BRDT: variants seen among roughly 807,000 people sequenced by gnomAD.
BRDT encodes bromodomain testis associated, also known as bromodomain testis-specific protein.
Under a neutral mutation model 113.9 loss-of-function variants are expected in BRDT, and 77 were observed. The observed-to-expected ratio is 0.68, with a 90% CI of 0.56 to 0.82. The LOEUF is 0.82. Among genes scored for constraint, BRDT ranks in the 40% least tolerant of loss-of-function variants. BRDT has a pLI of 0.00. For missense variants in BRDT, 1,027 were observed against 1,105.4 expected, an observed-to-expected ratio of 0.93 and a Z score of 1.01; for synonymous variants, 358 against 366.5, an observed-to-expected ratio of 0.98 and a Z score of 0.26.
intron 15 of BRDT, among the ~76,000 whole-genome samples, chr1:91,995,087 T>G (rs183291554): frequency 2.8e-4 from 43 of 152,218 alleles, no homozygotes; most frequent in Non-Finnish European, 1.8e-4. Context: ...AAGTTTTGCC[T>G]GTCTCAACTT....
intron 12 of BRDT, among the ~76,000 whole-genome samples, chr1:91,982,161 A>G (rs1050416247): frequency 1.3e-5 from 2 of 152,198 alleles, no homozygotes; most frequent in African/African-American, 2.4e-5. Flanking sequence ...CAAGGTTGCC[A>G]TGTTGTGATA....
chr1:92,009,747 T>A (rs551102484), intron 18 of BRDT, among the ~76,000 whole-genome samples: 12 of 151,926 alleles, frequency 7.9e-5, no homozygotes, highest in Admixed American at 2.0e-4. Flanking sequence ...TTATTTATTT[T>A]TTTTGTAGAG....
Position 92,014,270 on chromosome 1 carries a change from A to G in BRDT, c.2840A>G (p.Asp947Gly), listed in dbSNP as rs758809706. The G allele has an allele frequency of 6.9e-6, 11 of 1,583,314 alleles. No homozygotes were observed. Among genetic ancestry groups the G allele is most frequent in the Non-Finnish European group, 1.7e-6 (2 of 1,164,898 alleles). The change falls in exon 19 of 19, where the codon GAT becomes GGT. Residue 947 changes from aspartate to glycine, a missense_variant. Asp to Gly is a moderately conservative substitution (Grantham distance 94). Coordinates refer to ENST00000399546, the MANE Select transcript of BRDT (RefSeq NM_207189.4). ...ATGACAATGTTTGAAAACAACTTTG[A>G]TTAAAACTCAGTTTTTAAATTAACC... Reference protein sequence around the residue: ...DIMTMFENNFD With the variant: ...DIMTMFENNFG
rs760550779 is a variant in BRDT at position 92,004,565 on chromosome 1, G to T, written c.2540G>T (p.Arg847Leu). Residue 847 changes from arginine (R) to leucine (L), a missense_variant, in exon 17 of 19, where the codon CGG (arginine) becomes CTG (leucine). Physicochemically the swap from Arg to Leu is moderately radical, Grantham distance 102. Transcript: ENST00000399546. ...AAAGCTCGGACACAGGAACTCATAC[G>T]GAAGCATTTGGAACAAAATACAAAG... ...EVKARTQELIRKHLEQNTKEL... is the reference protein window; with the variant it reads ...EVKARTQELILKHLEQNTKEL... 6.2e-7 allele frequency: 1 copy of T among 1,612,348 alleles called. No homozygotes were observed. The highest frequency in any genetic ancestry group is 1.3e-5 in the African/African-American group (1 of 74,890).
At chr1:91,987,888 C>T (rs1685405792) in intron 12 of BRDT, among the ~76,000 whole-genome samples, 1 of 151,424 alleles carries the variant, frequency 6.6e-6, no homozygotes, top group South Asian at 2.1e-4. Context: ...CTCGCAGTTT[C>T]ACCCAGGCTG....
chr1:91,972,572 T>C (rs1409317532), intron 4 of BRDT, among the ~76,000 whole-genome samples: 1 of 152,210 alleles, frequency 6.6e-6, no homozygotes, highest in Non-Finnish European at 1.5e-5. Context: ...GCAGTAAATA[T>C]TTACTGTGTT....
chr1:91,994,867 CAAAAAAAAA>C (rs11330809), intron 15 of BRDT, among the ~76,000 whole-genome samples: 1 of 65,472 alleles, frequency 1.5e-5, no homozygotes, highest in African/African-American at 6.7e-5. Flanking sequence ...GACTCCGTCT[CAAAAAAAAA>C]AAAAAAAAAA....
intron 1 of BRDT, among the ~76,000 whole-genome samples, chr1:91,952,845 G>A (rs1446811911): frequency 6.6e-6 from 1 of 150,844 alleles, no homozygotes; most frequent in Non-Finnish European, 1.5e-5. Context: ...GTTATCTAGA[G>A]TCCCTGGGAA....
chr1:91,990,176 C>T lies in BRDT; in HGVS notation c.2003-1008C>T, dbSNP rs188545528. Reference sequence around the variant, plus strand: ...TAAAGAAAGAGAAACCCACTAGAACCGTGTTGGAGAGATCTCTTTTTATGT... The same window carrying T: ...TAAAGAAAGAGAAACCCACTAGAACTGTGTTGGAGAGATCTCTTTTTATGT... On this transcript the variant is annotated intron_variant, in intron 12 of 18. Coordinates refer to ENST00000399546, the MANE Select transcript of BRDT (RefSeq NM_207189.4). Among the ~76,000 whole-genome samples, 123 of 152,236 alleles carry T rather than the reference C, an allele frequency of 8.1e-4. 1 individual carries two copies. Among genetic ancestry groups the T allele is most frequent in the Non-Finnish European group, 1.5e-3 (103 of 68,022 alleles).
intron 2 of BRDT, among the ~76,000 whole-genome samples, chr1:91,963,941 T>C (rs1024073959): frequency 6.6e-6 from 1 of 152,062 alleles, no homozygotes; most frequent in African/African-American, 2.4e-5. Flanking sequence ...GCATGATCTC[T>C]GACCGCTGCA....
At chr1:91,981,431 G>T (rs770117157) in intron 11 of BRDT, 50 bp downstream of exon 11, 4 of 1,519,082 alleles carry the variant, frequency 2.6e-6, no homozygotes, top group Admixed American at 1.8e-5. Flanking sequence ...TGTATGTAGA[G>T]ACAGGGTCTT....
At chr1:91,983,246 A>G (rs530275909) in intron 12 of BRDT, among the ~76,000 whole-genome samples, 179 of 149,212 alleles carry the variant, frequency 1.2e-3, no homozygotes, top group African/African-American at 4.3e-3. Flanking sequence ...AGAATAACTC[A>G]GTCTCAGAAT....
In BRDT at chr1:91,981,087, G is replaced by T. The variant is rs1684678539; in HGVS notation, c.1659G>T (p.Glu553Asp). ...GCAATTCCAATCCTGATGAGATAGA[G>T]ATAGACTTTGAAACACTGAAAGCAT... ...SLSNSNPDEI[E>D]IDFETLKAST... The change falls in exon 10 of 19, where the codon GAG becomes GAT. Residue 553 changes from glutamate to aspartate, a missense_variant. Transcript: ENST00000399546. 5.0e-6 allele frequency: 8 copies of T among 1,613,934 alleles called. No individual in the cohort carries two copies. The highest frequency in any genetic ancestry group is 6.8e-6 in the Non-Finnish European group (8 of 1,179,962).
intron 18 of BRDT, among the ~76,000 whole-genome samples, chr1:92,007,967 G>A (rs999721234): frequency 2.0e-5 from 3 of 151,882 alleles, no homozygotes; most frequent in Admixed American, 6.6e-5. Context: ...GCCCAGCCTG[G>A]AATGCAATGG....
At chr1:91,969,232 G>A (rs577287003) in intron 4 of BRDT, among the ~76,000 whole-genome samples, 113 of 152,026 alleles carry the variant, frequency 7.4e-4, no homozygotes, top group African/African-American at 2.7e-3. Context: ...GAGCCACCGC[G>A]CCTGGCCCTA....
At chr1:91,963,608 A>G (rs1682736926) in intron 2 of BRDT, among the ~76,000 whole-genome samples, 1 of 152,066 alleles carries the variant, frequency 6.6e-6, no homozygotes, top group Non-Finnish European at 1.5e-5. Context: ...TACGTTAGGA[A>G]TTTTTAGCCA....
intron 12 of BRDT, among the ~76,000 whole-genome samples, chr1:91,984,705 G>A (rs139576113): frequency 2.0e-3 from 299 of 152,238 alleles, no homozygotes; most frequent in African/African-American, 6.3e-3. Flanking sequence ...GCACTATCAC[G>A]GCTCACTCCT....
At chr1:91,956,048 A>G (rs1011286328) in intron 1 of BRDT, among the ~76,000 whole-genome samples, 1 of 152,194 alleles carries the variant, frequency 6.6e-6, no homozygotes, top group African/African-American at 2.4e-5. Flanking sequence ...TAGCCTTCCC[A>G]CAGGCCTTTT....
chr1:91,969,589 A>G (rs570489916), intron 4 of BRDT, among the ~76,000 whole-genome samples: 2 of 152,128 alleles, frequency 1.3e-5, no homozygotes, highest in African/African-American at 2.4e-5. Context: ...TTAGTATGGT[A>G]TTTAAATTGT....
Sources: allele counts gnomAD v4.1 joint callset (sites outside exome capture counted in the v4.1 genomes callset), GRCh38; gene constraint gnomAD v4.1.1; transcripts MANE v1.5; gene names NCBI Gene and HGNC (gene_info 2026-07-23, HGNC 2026-07-21).